Variants in BAZ2A observed in about 807,000 individuals in gnomAD.
BAZ2A encodes the protein bromodomain adjacent to zinc finger domain 2A, also known as bromodomain adjacent to zinc finger domain protein 2A.
A neutral mutation model predicts 199.9 loss-of-function variants in BAZ2A; 34 were observed. The observed-to-expected ratio is 0.17, with a 90% confidence interval of 0.13 to 0.23. The LOEUF is 0.23. Ranked by LOEUF, BAZ2A falls within the 10% of genes least tolerant of loss-of-function variation. BAZ2A has a pLI of 1.00. For missense variants in BAZ2A, 2,002 were observed against 2,391.1 expected (o/e 0.84, Z 3.39); for synonymous variants, 857 against 883.9 (o/e 0.97, Z 0.54).
At chr12:56,634,539 C>T (rs576352581), upstream of BAZ2A, among the ~76,000 whole-genome samples, 33 of 152,310 alleles carry the variant, frequency 2.2e-4, no homozygotes, top group South Asian at 6.4e-3. Context: ...ATGTTGCTCC[C>T]CCGCCCCCCT....
Position 56,610,459 on chromosome 12 carries a change from A to G in BAZ2A, c.1729T>C (p.Tyr577His). The G allele has an allele frequency of 6.2e-7, 1 of 1,613,694 alleles. No individual in the cohort carries two copies. The highest frequency in any genetic ancestry group is 8.5e-7 in the Non-Finnish European group (1 of 1,179,794). ...ATCCTCTTCCCACAGGGGCCATAAT[A>G]CCAGGTCTCCCCCTGCCATCGGTGG... ...GSHRWQGETW[Y>H]YGPCGKRMKQ... Residue 577 changes from tyrosine (Y) to histidine (H), a missense_variant, in exon 8 of 29, where the codon TAT becomes CAT. Tyr to His is a moderately conservative substitution (Grantham distance 83, BLOSUM62 2). Around this residue, in one of 6 missense-constraint regions of BAZ2A, gnomAD observed 74 missense variants for 126.1 expected, o/e 0.59. Transcript: ENST00000549884.
intron 1 of BAZ2A, among the ~76,000 whole-genome samples, chr12:56,628,875 AC>A (rs1254075619): frequency 6.6e-6 from 1 of 152,182 alleles, no homozygotes; most frequent in Admixed American, 6.5e-5. Context: ...CATAGAGCGT[AC>A]CCCGCTGGTA....
chr12:56,615,533 C>A lies in BAZ2A; in HGVS notation c.211G>T (p.Ala71Ser). 6.2e-7 allele frequency: 1 copy of A among 1,613,036 alleles called. No individual in the cohort carries two copies. Among genetic ancestry groups the A allele is most frequent in the Non-Finnish European group, 8.5e-7 (1 of 1,179,754 alleles). Residue 71 changes from alanine to serine, a missense_variant, in exon 3 of 29, where the codon GCT (alanine) becomes TCT (serine). Physicochemically the swap from Ala to Ser is moderately conservative, Grantham distance 99 (BLOSUM62 1). Coordinates refer to ENST00000549884, the MANE Select transcript of BAZ2A (RefSeq NM_001300905.2). ...TGTGAGGTGCTGGAGGAGTGGGGAG[C>A]AGAGTTCAAAATCCCTGAAGTAGTA... Reference protein sequence around the residue: ...HTTTSGILNSAPHSSSTSHLH... With the variant: ...HTTTSGILNSSPHSSSTSHLH...
At chr12:56,609,701 G>A (rs79273645) in intron 10 of BAZ2A, 35 bp downstream of exon 10, 11 of 1,588,030 alleles carry the variant, frequency 6.9e-6, no homozygotes, top group Non-Finnish European at 9.5e-6. Flanking sequence ...CCTCATGGAG[G>A]GAGCAGAATC....
chr12:56,610,303 C>A, intron 8 of BAZ2A, 88 bp from the exon 9 acceptor site: 1 of 1,568,182 alleles, frequency 6.4e-7, no homozygotes. Flanking sequence ...AGGCCCAGAG[C>A]AGACAATGCC....
chr12:56,600,182 G>C lies in BAZ2A; in HGVS notation c.4892+19C>G. On this transcript the variant is annotated intron_variant, in intron 24 of 28. Coordinates refer to ENST00000549884, the MANE Select transcript of BAZ2A (RefSeq NM_001300905.2). ...CCCTTTCTCTCCAAGACCAAGAATG[G>C]AGGGTGGGAGTCACTCACATCTCTG... 6.2e-7 allele frequency: 1 copy of C among 1,612,340 alleles called. No homozygotes were observed. Among genetic ancestry groups the C allele is most frequent in the Non-Finnish European group, 8.5e-7 (1 of 1,178,488 alleles).
intron 5 of BAZ2A, 92 bp downstream of exon 5, chr12:56,612,923 G>T (rs1950608157): frequency 1.9e-5 from 27 of 1,403,188 alleles, no homozygotes; most frequent in Non-Finnish European, 2.6e-5. Flanking sequence ...CGCCCAGCCA[G>T]ATTTCCCACT....
rs1886252570 is a variant in BAZ2A, at chr12:56,599,830, T to G, written c.5044A>C (p.Lys1682Gln). ...AGAAGAAACTCATCATTGTCACCCT[T>G]CCGGCAGACTAGACATGTCTGGACC... ...VNKVTCLVCR[K>Q]GDNDEFLLLC... The change falls in exon 26 of 29, where the codon AAG becomes CAG. Residue 1682 changes from lysine (K) to glutamine (Q), a missense_variant. Coordinates refer to ENST00000549884, the MANE Select transcript of BAZ2A (RefSeq NM_001300905.2). The G allele has an allele frequency of 6.2e-7, 1 of 1,613,810 alleles. No homozygotes were observed. The highest frequency in any genetic ancestry group is 1.3e-5 in the African/African-American group (1 of 74,912).
At chr12:56,600,659 C>G (rs1886369990) in intron 23 of BAZ2A, 22 bp downstream of exon 23, 1 of 1,609,644 alleles carries the variant, frequency 6.2e-7, no homozygotes, top group South Asian at 1.1e-5. Context: ...AACCTTCCTA[C>G]ACAGTGCCAA....
chr12:56,611,983 C>G lies in BAZ2A; in HGVS notation c.1399G>C (p.Val467Leu), dbSNP rs752856322. ...AGGACTGCTGAGGAAGCTGGAGAGACCACTGAGAAGACTGCTGGAGAGACA... is the reference window on the plus strand; with the variant it reads ...AGGACTGCTGAGGAAGCTGGAGAGAGCACTGAGAAGACTGCTGGAGAGACA... ...TVVSPAVFSV[V>L]SPASSAVLPA... is the part of the protein sequence containing the mutation. The change falls in exon 6 of 29, where the codon GTC (valine) becomes CTC (leucine). Residue 467 changes from valine to leucine, a missense_variant. Around this residue, in one of 6 missense-constraint regions of BAZ2A, gnomAD observed 641 missense variants for 694.5 expected, o/e 0.92. Coordinates refer to ENST00000549884, the MANE Select transcript of BAZ2A (RefSeq NM_001300905.2). 9 of 1,613,298 alleles carry G rather than the reference C, an allele frequency of 5.6e-6. No individual in the cohort carries two copies. The highest frequency in any genetic ancestry group is 6.8e-6 in the Non-Finnish European group (8 of 1,179,702).
At position 56,614,046 on chromosome 12, in the gene BAZ2A, A is replaced by G; in HGVS notation, c.823T>C (p.Cys275Arg). Residue 275 changes from cysteine to arginine, a missense_variant, in exon 4 of 29, where the codon TGT becomes CGT. Physicochemically the swap from Cys to Arg is radical, Grantham distance 180 (BLOSUM62 -3). This residue lies in a region of BAZ2A where 641 missense variants were observed against 694.5 expected (regional missense o/e 0.92). Transcript: ENST00000549884. ...GGAAGATGTGAAGGATCATCTAAACAGCTCACTGTGGGGTCAGGGACCAGG... is the reference window on the plus strand; with the variant it reads ...GGAAGATGTGAAGGATCATCTAAACGGCTCACTGTGGGGTCAGGGACCAGG... Reference protein sequence around the residue: ...SVLVPDPTVSCLDDPSHLPDQ... With the variant: ...SVLVPDPTVSRLDDPSHLPDQ... The G allele has an allele frequency of 6.2e-7, 1 of 1,614,028 alleles. No homozygotes were observed. The highest frequency in any genetic ancestry group is 8.5e-7 in the Non-Finnish European group (1 of 1,179,882).
In BAZ2A at chr12:56,614,004, T is replaced by C. The variant is rs199824624; in HGVS notation, c.865A>G (p.Thr289Ala). 33 of 1,613,758 alleles carry C rather than the reference T, an allele frequency of 2.0e-5. No individual in the cohort carries two copies. In the Middle Eastern group the frequency reaches 6.6e-4, roughly 32 times the overall value. Residue 289 changes from threonine to alanine, a missense_variant, in exon 4 of 29, where the codon ACT (threonine) becomes GCT (alanine). Thr to Ala is a moderately conservative substitution (Grantham distance 58, BLOSUM62 0). Transcript: ENST00000549884. ...PSHLPDQLED[T>A]PILSEDSLEP... is the part of the protein sequence containing the mutation. ...AGAGAGTCTTCACTGAGGATTGGAG[T>C]GTCTTCCAGTTGATCAGGAAGATGT...
At position 56,601,816 on chromosome 12, in the gene BAZ2A, G is replaced by A; in HGVS notation, c.3801C>T (p.Phe1267=). ...TCTGAGTCTGGCTCAGCCAAGACAG[G>A]AAGGCTGACTGGCTGAGGTCATGCT... ...QSQHDLSQSA[F]LSWLSQTQSH... The change falls in exon 20 of 29, where the codon TTC becomes TTT. Residue 1267 remains phenylalanine, a synonymous_variant. Coordinates refer to ENST00000549884, the MANE Select transcript of BAZ2A (RefSeq NM_001300905.2). 1 of 1,614,008 alleles carries A rather than the reference G, an allele frequency of 6.2e-7. No individual in the cohort carries two copies. The highest frequency in any genetic ancestry group is 1.1e-5 in the South Asian group (1 of 91,080).
intron 10 of BAZ2A, 36 bp downstream of exon 10, chr12:56,609,700 G>A (rs1950501221): frequency 1.9e-6 from 3 of 1,586,360 alleles, no homozygotes; most frequent in Admixed American, 3.4e-5. Context: ...ACCTCATGGA[G>A]GGAGCAGAAT....
intron 2 of BAZ2A, among the ~76,000 whole-genome samples, chr12:56,616,092 CGG>C (rs1299667080): frequency 6.6e-6 from 1 of 151,988 alleles, no homozygotes; most frequent in Non-Finnish European, 1.5e-5. Flanking sequence ...TCAGTAGAGA[CGG>C]GGTTTTACCG....
In BAZ2A at chr12:56,626,096, C is replaced by G. The variant is rs897370284; in HGVS notation, c.-3+4029G>C. ...CAAAGATGGGCTTTTTTGTTTTGCA[C>G]AATTTTTTAAATTTCCAAATTAGGC... On this transcript the variant is annotated intron_variant, in intron 1 of 28. Transcript: ENST00000549884. 1.6e-4 allele frequency among the ~76,000 whole-genome samples: 25 copies of G among 151,940 alleles called. 1 individual carries two copies. The highest frequency in any genetic ancestry group is 1.4e-3 in the Admixed American group (22 of 15,252).
In BAZ2A at chr12:56,597,610, C is replaced by CACAG. The variant is rs1885950963; in HGVS notation, c.*1007_*1008insCTGT. ...GCGCGCTCTGAGGCTGACACACACA[C>CACAG]ACACACACACAGCGCGCTCTGAGGC... On this transcript the variant is annotated 3_prime_UTR_variant, in exon 29 of 29. Transcript: ENST00000549884. 1 of 135,626 alleles carries CACAG rather than the reference C, an allele frequency of 7.4e-6. No homozygotes were observed. The highest frequency in any genetic ancestry group is 3.1e-5 in the African/African-American group (1 of 32,348). 8.4% of individuals were successfully genotyped at this position (135,626 alleles called of 1,614,324 possible).
In BAZ2A at chr12:56,602,067, C is replaced by T; in HGVS notation, c.3550G>A (p.Ala1184Thr). The part of the protein sequence containing the change: ...AGSNTTASSP[A>T]RARGRPRKTK... ...TTTCGAGGTCGGCCTCGGGCCCGGG[C>T]AGGAGAACTGGCAGTGGTGTTGGAG... The change falls in exon 20 of 29, where the codon GCC (alanine) becomes ACC (threonine). Residue 1184 changes from alanine (A) to threonine (T), a missense_variant. By Grantham distance (58) the Ala-to-Thr change is moderately conservative (BLOSUM62 0). This residue lies in a region of BAZ2A where 1,081 missense variants were observed against 1,274.7 expected (regional missense o/e 0.85). Coordinates refer to ENST00000549884, the MANE Select transcript of BAZ2A (RefSeq NM_001300905.2). 6.4e-7 allele frequency: 1 copy of T among 1,566,292 alleles called. No homozygotes were observed. The highest frequency in any genetic ancestry group is 1.2e-5 in the South Asian group (1 of 85,132).
upstream of BAZ2A, chr12:56,636,662 G>A (rs1471930047): frequency 6.2e-6 from 1 of 161,242 alleles, no homozygotes; most frequent in African/African-American, 2.4e-5. Flanking sequence ...TCTGTATCGG[G>A]TGACGTGAGA....
Sources: allele counts gnomAD v4.1 joint callset (sites outside exome capture counted in the v4.1 genomes callset), GRCh38; gene constraint gnomAD v4.1.1; regional missense constraint gnomAD v4.1.1; transcripts MANE v1.5; gene names NCBI Gene and HGNC (gene_info 2026-07-23, HGNC 2026-07-21).